FAM186B: variants seen among roughly 807,000 people sequenced by gnomAD.
FAM186B encodes the protein family with sequence similarity 186 member B.
Under a neutral mutation model 83.4 loss-of-function variants are expected in FAM186B, and 68 were observed. The ratio of observed to expected loss-of-function variants is 0.81; its 90% CI spans 0.67 to 1.00. The LOEUF is 1.00. FAM186B is among the 50% of genes least tolerant of loss of function. FAM186B has a pLI of 0.00. For synonymous variants in FAM186B, 389 were observed against 422.0 expected, an observed-to-expected ratio of 0.92 and a Z score of 0.96; for missense variants, 983 against 1,099.2, an observed-to-expected ratio of 0.89 and a Z score of 1.49.
Position 49,598,749 on chromosome 12 carries a change from G to T in FAM186B, c.2364+6C>A. 6.3e-7 allele frequency: 1 copy of T among 1,593,600 alleles called. No individual in the cohort carries two copies. On this transcript the variant is annotated splice_donor_region_variant and intron_variant, in intron 5 of 6. Coordinates refer to ENST00000257894, the MANE Select transcript of FAM186B (RefSeq NM_032130.3). Reference sequence around the variant, plus strand: ...AGTGGCGGGGGGGTCAGGGCGGGAGGCCCACCTTGGGGAACATGGTCACCA... The same window carrying T: ...AGTGGCGGGGGGGTCAGGGCGGGAGTCCCACCTTGGGGAACATGGTCACCA...
chr12:49,587,787 A>G (rs774933357), intron 6 of FAM186B, 35 bp from the exon 7 acceptor site: 10 of 1,589,464 alleles, frequency 6.3e-6, no homozygotes, highest in African/African-American at 2.7e-5. Context: ...GTGAAAAGCA[A>G]CAGAGAGAGA....
chr12:49,605,753 C>CTTTTTTTTTTTTTT (rs200117345), upstream of FAM186B: 2 of 228,858 alleles, frequency 8.7e-6, no homozygotes, highest in African/African-American at 2.8e-5. Flanking sequence ...GACTTGTTGC[C>CTTTTTTTTTTTTTT]TTTTCTTTTT....
At chr12:49,620,622 G>C in the FAM186B span, among the ~76,000 whole-genome samples, 24 of 152,280 alleles carry the variant, frequency 1.6e-4, 1 homozygote, top group South Asian at 5.0e-3. Flanking sequence ...GAGCTGCATA[G>C]TAGTAGCATT....
Position 49,588,643 on chromosome 12 carries a change from G to C in FAM186B, c.2365-20C>G, listed in dbSNP as rs551256193. On this transcript the variant is annotated intron_variant, in intron 5 of 6. Coordinates refer to ENST00000257894, the MANE Select transcript of FAM186B (RefSeq NM_032130.3). ...CTGGAGCTAGAGGAACCAGCAGAGA[G>C]GCATCAGGGAAACAGGAAGTTATCT... 1 of 1,545,730 alleles carries C rather than the reference G, an allele frequency of 6.5e-7. No homozygotes were observed. Among genetic ancestry groups the C allele is most frequent in the Admixed American group, 1.9e-5 (1 of 52,502 alleles).
intron 5 of FAM186B, among the ~76,000 whole-genome samples, chr12:49,591,510 G>C (rs762494570): frequency 4.6e-5 from 7 of 152,062 alleles, no homozygotes; most frequent in Non-Finnish European, 8.8e-5. Flanking sequence ...CCAAAGCTGA[G>C]AGGATTCATC....
the FAM186B span, among the ~76,000 whole-genome samples, chr12:49,622,412 GAGA>G: frequency 1.3e-5 from 2 of 152,240 alleles, no homozygotes; most frequent in Admixed American, 6.5e-5. Flanking sequence ...GAGGCTGAGG[GAGA>G]AGGACCGGTT....
chr12:49,600,804 A>G lies in FAM186B; in HGVS notation c.836T>C (p.Phe279Ser), dbSNP rs751536464. 6.2e-7 allele frequency: 1 copy of G among 1,612,136 alleles called. No individual in the cohort carries two copies. The highest frequency in any genetic ancestry group is 2.2e-5 in the East Asian group (1 of 44,840). Residue 279 changes from phenylalanine (F) to serine (S), a missense_variant, in exon 4 of 7, where the codon TTC (phenylalanine) becomes TCC (serine). Phe to Ser is a radical substitution (Grantham distance 155, BLOSUM62 -2). Coordinates refer to ENST00000257894, the MANE Select transcript of FAM186B (RefSeq NM_032130.3). This position sits in a 1 kb window ranked among gnomAD's most constrained non-coding sequence, Gnocchi z 4.3. ...CTCAAGGACCTCCATGAACTGCTGGAAGTGCAGCCTCTGGCTGCTGAGCTC... is the reference window on the plus strand; with the variant it reads ...CTCAAGGACCTCCATGAACTGCTGGGAGTGCAGCCTCTGGCTGCTGAGCTC... ...TKELSSQRLH[F>S]QQFMEVLESR...
the FAM186B span, chr12:49,619,540 T>C: frequency 1.4e-6 from 1 of 702,700 alleles, no homozygotes; most frequent in Admixed American, 1.9e-5. Flanking sequence ...CCCAAGGCTT[T>C]GTTGAAGGAG....
chr12:49,612,327 G>C, the FAM186B span, among the ~76,000 whole-genome samples: 1 of 151,088 alleles, frequency 6.6e-6, no homozygotes, highest in South Asian at 2.1e-4. Flanking sequence ...AAAGAGCAAG[G>C]GTCACTATTC....
chr12:49,595,927 T>C (rs981476807), intron 5 of FAM186B, among the ~76,000 whole-genome samples: 1 of 152,086 alleles, frequency 6.6e-6, no homozygotes, highest in African/African-American at 2.4e-5. Context: ...GAGCTTGCAG[T>C]GAGCCGAGAT....
intron 3 of FAM186B, 147 bp from the exon 4 acceptor site, chr12:49,601,281 C>T: frequency 8.7e-7 from 1 of 1,145,242 alleles, no homozygotes; most frequent in Non-Finnish European, 1.2e-6. Context: ...GGGCCAGGGA[C>T]AGTGCTGTCA....
Position 49,603,228 on chromosome 12 carries a change from G to A in FAM186B, c.462C>T (p.Ala154=). 1 of 1,614,188 alleles carries A rather than the reference G, an allele frequency of 6.2e-7. No individual in the cohort carries two copies. Among genetic ancestry groups the A allele is most frequent in the Non-Finnish European group, 8.5e-7 (1 of 1,180,046 alleles). Residue 154 remains alanine, a synonymous_variant, in exon 3 of 7, where the codon GCC becomes GCT. Transcript: ENST00000257894. ...ATKRGIESLT[A]LCSTLIEGQK... ...GTCCTTCAATGAGAGTGGAGCAAAG[G>A]GCAGTGAGTGACTCGATGCCTCTTT...
chr12:49,600,499 C>T lies in FAM186B; in HGVS notation c.1141G>A (p.Asp381Asn). Reference protein sequence around the residue: ...LPPSPMAMIRDSGAIAAGHQP... With the variant: ...LPPSPMAMIRNSGAIAAGHQP... ...TGCCCTGCAGCTATAGCACCACTGTCCCGTATCATGGCCATGGGACTTGGG... is the reference window on the plus strand; with the variant it reads ...TGCCCTGCAGCTATAGCACCACTGTTCCGTATCATGGCCATGGGACTTGGG... The change falls in exon 4 of 7, where the codon GAC becomes AAC. Residue 381 changes from aspartate (D) to asparagine (N), a missense_variant. Coordinates refer to ENST00000257894, the MANE Select transcript of FAM186B (RefSeq NM_032130.3). The surrounding 1 kb of genome is among the most constrained non-coding windows in gnomAD (Gnocchi z 4.3). The T allele has an allele frequency of 6.2e-7, 1 of 1,614,028 alleles. No homozygotes were observed. Among genetic ancestry groups the T allele is most frequent in the Non-Finnish European group, 8.5e-7 (1 of 1,179,954 alleles).
Position 49,599,544 on chromosome 12 carries a change from G to A in FAM186B, c.2096C>T (p.Thr699Ile). Reference protein sequence around the residue: ...RSKALELTTTTMELGALRLQY... With the variant: ...RSKALELTTTIMELGALRLQY... ...CAGCCTGAGCGCGCCCAGCTCCATGGTGGTGGTGGTGAGCTCCAGTGCTTT... is the reference window on the plus strand; with the variant it reads ...CAGCCTGAGCGCGCCCAGCTCCATGATGGTGGTGGTGAGCTCCAGTGCTTT... The change falls in exon 4 of 7, where the codon ACC (threonine) becomes ATC (isoleucine). Residue 699 changes from threonine to isoleucine, a missense_variant. By Grantham distance (89) the Thr-to-Ile change is moderately conservative. Transcript: ENST00000257894. 6.2e-7 allele frequency: 1 copy of A among 1,606,426 alleles called. No homozygotes were observed. Among genetic ancestry groups the A allele is most frequent in the Non-Finnish European group, 8.5e-7 (1 of 1,176,442 alleles).
chr12:49,601,203 A>G, intron 3 of FAM186B, 69 bp from the exon 4 acceptor site: 1 of 1,497,652 alleles, frequency 6.7e-7, no homozygotes, highest in South Asian at 1.4e-5. Flanking sequence ...GATTCTCCAA[A>G]CCCTGCAGGG....
At chr12:49,608,665 C>T (rs1343504799), upstream of FAM186B, among the ~76,000 whole-genome samples, 1 of 151,842 alleles carries the variant, frequency 6.6e-6, no homozygotes, top group East Asian at 1.9e-4. Flanking sequence ...CACCCTAGGT[C>T]TCAGGGAGGA....
the FAM186B span, among the ~76,000 whole-genome samples, chr12:49,618,904 A>G: frequency 6.6e-6 from 1 of 152,368 alleles, no homozygotes; most frequent in South Asian, 2.1e-4. Context: ...CTGAGTGCCC[A>G]GCACAATGGA....
chr12:49,606,903 G>A (rs1303818032), upstream of FAM186B, among the ~76,000 whole-genome samples: 2 of 152,042 alleles, frequency 1.3e-5, no homozygotes, highest in South Asian at 2.1e-4. Context: ...ACCCTAAGAA[G>A]TCTAAAATAA....
At chr12:49,585,489 A>T (rs976645775), downstream of FAM186B, among the ~76,000 whole-genome samples, 1 of 152,186 alleles carries the variant, frequency 6.6e-6, no homozygotes, top group African/African-American at 2.4e-5. Flanking sequence ...TGTAAGACAA[A>T]GCTGAAAAAA....
Sources: gnomAD v4.1 joint callset for allele counts (sites outside exome capture counted in the v4.1 genomes callset) on GRCh38, gnomAD v4.1.1 for gene constraint, Gnocchi (gnomAD v3.1) non-coding constraint, MANE v1.5 for transcripts, NCBI Gene and HGNC (gene_info 2026-07-23, HGNC 2026-07-21) for gene names.